RCOR3: variants seen among roughly 807,000 people sequenced by gnomAD.
The protein encoded by RCOR3 is REST corepressor 3.
A neutral mutation model predicts 64.1 loss-of-function variants in RCOR3; 13 were observed. The observed-to-expected ratio is 0.20, with a 90% confidence interval of 0.13 to 0.32. The LOEUF (loss-of-function observed/expected upper bound fraction) is 0.32. RCOR3 is among the 10% of genes least tolerant of loss of function. The pLI is 1.00. For synonymous variants in RCOR3, 215 were observed against 239.0 expected (o/e 0.90, Z 0.93); for missense variants, 489 against 701.2 (o/e 0.70, Z 3.42).
chr1:211,274,996 A>G (rs545566217), intron 4 of RCOR3, among the ~76,000 whole-genome samples: 1 of 151,428 alleles, frequency 6.6e-6, no homozygotes, highest in Admixed American at 6.6e-5. Flanking sequence ...AATAGACTAT[A>G]ATGTATTTAT....
chr1:211,297,563 T>C (rs1487728010), intron 9 of RCOR3, among the ~76,000 whole-genome samples: 1 of 152,140 alleles, frequency 6.6e-6, no homozygotes, highest in Non-Finnish European at 1.5e-5. Context: ...TGAGAAGTTA[T>C]CAGATATTTA....
At position 211,264,364 on chromosome 1, in the gene RCOR3, G is replaced by A. The variant is rs114818210; in HGVS notation, c.223+4200G>A. 9.0e-3 allele frequency among the ~76,000 whole-genome samples: 1,376 copies of A among 152,280 alleles called. 16 individuals carry two copies. Among genetic ancestry groups the A allele is most frequent in the African/African-American group, 0.031 (1,308 of 41,538 alleles). On this transcript the variant is annotated intron_variant, in intron 2 of 11. Transcript: ENST00000419091. Reference sequence around the variant, plus strand: ...TAATTTTATTGGAAAAGGTGATACTGATGATGATAAGAGTTAAGCAGGTAA... The same window carrying A: ...TAATTTTATTGGAAAAGGTGATACTAATGATGATAAGAGTTAAGCAGGTAA...
chr1:211,276,442 T>G, intron 5 of RCOR3, 24 bp downstream of exon 5: 1 of 1,591,504 alleles, frequency 6.3e-7, no homozygotes, highest in East Asian at 2.2e-5. Flanking sequence ...AATCTTACTG[T>G]GGTTCATATG....
intron 9 of RCOR3, chr1:211,303,492 C>G (rs576724135): frequency 6.6e-6 from 1 of 152,346 alleles, no homozygotes; most frequent in Admixed American, 6.5e-5. Flanking sequence ...CATCTACTGT[C>G]AAAGGTCCTT....
chr1:211,272,546 T>G (rs1696353142), intron 3 of RCOR3, among the ~76,000 whole-genome samples: 1 of 150,858 alleles, frequency 6.6e-6, no homozygotes, highest in Admixed American at 6.6e-5. Flanking sequence ...TTTTAAGTAC[T>G]TATGTCTAGT....
At chr1:211,262,126 C>T (rs1694430669) in intron 2 of RCOR3, among the ~76,000 whole-genome samples, 1 of 139,428 alleles carries the variant, frequency 7.2e-6, no homozygotes, top group African/African-American at 2.7e-5. Flanking sequence ...CAACCTCTGC[C>T]TCCCGGGTTC....
chr1:211,285,631 A>G (rs1319816964), intron 7 of RCOR3, among the ~76,000 whole-genome samples: 1 of 152,214 alleles, frequency 6.6e-6, no homozygotes, highest in Non-Finnish European at 1.5e-5. Flanking sequence ...TAAACCTCCA[A>G]GCCCAGAGTA....
rs530367272 is a variant in RCOR3 at position 211,314,466 on chromosome 1, C to G, written c.*698C>G. On this transcript the variant is annotated 3_prime_UTR_variant, in exon 12 of 12. Transcript: ENST00000419091. Reference sequence around the variant, plus strand: ...TTTAACATACAGTTTAGGGTCCTAGCGCAGAGTCCTTGTTTAAAGGTCATT... The same window carrying G: ...TTTAACATACAGTTTAGGGTCCTAGGGCAGAGTCCTTGTTTAAAGGTCATT... The G allele has an allele frequency of 6.6e-6, 1 of 152,044 alleles. No individual in the cohort carries two copies. Among genetic ancestry groups the G allele is most frequent in the African/African-American group, 2.4e-5 (1 of 41,398 alleles). 9.4% of individuals were successfully genotyped at this position (152,044 alleles called of 1,614,324 possible).
intron 8 of RCOR3, among the ~76,000 whole-genome samples, chr1:211,294,230 C>T (rs1699588596): frequency 6.6e-6 from 1 of 152,180 alleles, no homozygotes; most frequent in South Asian, 2.1e-4. Context: ...GCAGCTACCT[C>T]AATTCACTGT....
intron 10 of RCOR3, among the ~76,000 whole-genome samples, chr1:211,307,945 A>C (rs1330741458): frequency 6.6e-6 from 1 of 152,114 alleles, no homozygotes; most frequent in Non-Finnish European, 1.5e-5. Context: ...CTTTTCTTGT[A>C]GTTCATTCAC....
chr1:211,289,503 C>G, intron 8 of RCOR3, 107 bp downstream of exon 8: 2 of 848,480 alleles, frequency 2.4e-6, no homozygotes, highest in East Asian at 5.4e-5. Flanking sequence ...CTCAGCCATC[C>G]ACTTATGCAG....
chr1:211,308,673 G>GTTTTTTTTTTTTTTT (rs545513442), intron 10 of RCOR3, among the ~76,000 whole-genome samples: 24 of 40,466 alleles, frequency 5.9e-4, no homozygotes, highest in South Asian at 1.1e-3. Context: ...TTTTTTTTTT[G>GTTTTTTTTTTTTTTT]TTTTTTTTTT....
Position 211,313,749 on chromosome 1 carries a change from C to T in RCOR3, c.1643C>T (p.Ser548Leu), listed in dbSNP as rs1425743236. ...TCACTTATTGGAATTCAGACAGATT[C>T]ACAGTCCTCACTGCACTAAAAATTA... Reference protein sequence around the residue: ...PPSLIGIQTDSQSSLH With the variant: ...PPSLIGIQTDLQSSLH The change falls in exon 12 of 12, where the codon TCA (serine) becomes TTA (leucine). Residue 548 changes from serine (S) to leucine (L), a missense_variant. Ser to Leu is a moderately radical substitution (Grantham distance 145). Around this residue, in one of 2 missense-constraint regions of RCOR3, gnomAD observed 402 missense variants for 617.0 expected, o/e 0.65. Coordinates refer to ENST00000419091, the MANE Select transcript of RCOR3 (RefSeq NM_001136223.3). This position sits in a 1 kb window ranked among gnomAD's most constrained non-coding sequence, Gnocchi z 4.7. The T allele has an allele frequency of 6.2e-7, 1 of 1,614,090 alleles. No homozygotes were observed. Among genetic ancestry groups the T allele is most frequent in the Non-Finnish European group, 8.5e-7 (1 of 1,179,952 alleles).
At chr1:211,308,966 C>G (rs1355557858) in intron 10 of RCOR3, among the ~76,000 whole-genome samples, 1 of 151,442 alleles carries the variant, frequency 6.6e-6, no homozygotes, top group African/African-American at 2.4e-5. Flanking sequence ...TCTGCCTTGG[C>G]CTTCTAAAGT....
chr1:211,261,360 A>G (rs982352758), intron 2 of RCOR3, among the ~76,000 whole-genome samples: 2 of 152,222 alleles, frequency 1.3e-5, no homozygotes. Flanking sequence ...GATGAAAAGT[A>G]ATGAGTCGGG....
chr1:211,295,617 T>C (rs1413600922), intron 8 of RCOR3, 59 bp from the exon 9 acceptor site: 1 of 1,340,784 alleles, frequency 7.5e-7, no homozygotes, highest in East Asian at 2.3e-5. Context: ...CTTAATTGAG[T>C]ACTCACAAAT....
At chr1:211,293,850 A>G (rs1267103076) in intron 8 of RCOR3, among the ~76,000 whole-genome samples, 1 of 152,174 alleles carries the variant, frequency 6.6e-6, no homozygotes, top group African/African-American at 2.4e-5. Flanking sequence ...TGTCCACACT[A>G]GGGGGGAAAA....
intron 2 of RCOR3, among the ~76,000 whole-genome samples, chr1:211,270,700 T>C (rs1424349132): frequency 6.6e-6 from 1 of 152,188 alleles, no homozygotes; most frequent in African/African-American, 2.4e-5. Context: ...TTTTTTAGTT[T>C]AAAAGGGATA....
intron 3 of RCOR3, among the ~76,000 whole-genome samples, chr1:211,272,917 G>A (rs974285103): frequency 2.0e-5 from 3 of 151,956 alleles, no homozygotes; most frequent in Non-Finnish European, 4.4e-5. Context: ...CACCGCGCCC[G>A]GCCTGGATGT....
Sources: gnomAD v4.1 joint callset for allele counts (sites outside exome capture counted in the v4.1 genomes callset) on GRCh38, gnomAD v4.1.1 for gene constraint, gnomAD v4.1.1 regional missense constraint, Gnocchi (gnomAD v3.1) non-coding constraint, MANE v1.5 for transcripts, NCBI Gene and HGNC (gene_info 2026-07-23, HGNC 2026-07-21) for gene names.